Variants in NPHP4 observed in about 807,000 individuals in gnomAD.
The protein encoded by NPHP4 is nephrocystin-4.
Under a neutral mutation model 155.8 loss-of-function variants are expected in NPHP4, and 151 were observed. The observed-to-expected ratio is 0.97, with a 90% CI of 0.85 to 1.11. NPHP4 has a LOEUF of 1.11. Among genes scored for constraint, NPHP4 ranks in the 50% least tolerant of loss-of-function variants. The pLI, the probability that NPHP4 is intolerant of heterozygous loss-of-function variation, is 0.00. For synonymous variants in NPHP4, 845 were observed against 816.8 expected (o/e 1.03, Z -0.59); for missense variants, 1,956 against 1,925.7 (o/e 1.02, Z -0.29).
intron 10 of NPHP4, among the ~76,000 whole-genome samples, chr1:5,931,901 C>T (rs1646296152): frequency 6.6e-6 from 1 of 152,054 alleles, no homozygotes; most frequent in Non-Finnish European, 1.5e-5. Context: ...ACAGCAAGAC[C>T]TCAACTCTAC....
chr1:5,961,295 G>A (rs549464119), intron 6 of NPHP4, among the ~76,000 whole-genome samples: 8 of 152,152 alleles, frequency 5.3e-5, no homozygotes, highest in South Asian at 2.1e-4. Flanking sequence ...AGCTTCAGCC[G>A]GGGAAGAGGA....
At chr1:5,971,538 G>A (rs569917682) in intron 3 of NPHP4, among the ~76,000 whole-genome samples, 1 of 152,308 alleles carries the variant, frequency 6.6e-6, no homozygotes, top group African/African-American at 2.4e-5. Context: ...AGCCTCGAAG[G>A]CTTCATAAAC....
chr1:5,874,966 C>T lies in NPHP4; in HGVS notation c.2952G>A (p.Thr984=), dbSNP rs375493384. 174 of 1,613,156 alleles carry T rather than the reference C, an allele frequency of 1.1e-4. No homozygotes were observed. Among genetic ancestry groups the T allele is most frequent in the Non-Finnish European group, 1.2e-4 (146 of 1,179,900 alleles). ...AITTEHTLHA[T]LGVAEFFEFV... ...ACTCAAAGAACTCGGCGACCCCCAG[C>T]GTGGCGTGGAGCGTGTGCTCCGTGG... The change falls in exon 21 of 30, where the codon ACG becomes ACA. Residue 984 remains threonine (T), a synonymous_variant. Transcript: ENST00000378156.
At position 5,905,477 on chromosome 1, in the gene NPHP4, T is replaced by C. The variant is rs1644869987; in HGVS notation, c.1770A>G (p.Ala590=). The C allele has an allele frequency of 6.2e-7, 1 of 1,602,938 alleles. No homozygotes were observed. The change falls in exon 15 of 30, where the codon GCA becomes GCG. Residue 590 remains alanine (A), a synonymous_variant. Coordinates refer to ENST00000378156, the MANE Select transcript of NPHP4 (RefSeq NM_015102.5). This position sits in a 1 kb window ranked among gnomAD's most constrained non-coding sequence, Gnocchi z 4.0. The stretch of plus-strand genomic sequence containing the variant: ...CCATGGAGGCTCTCGAGGGCTGCCC[T>C]GCAGAGCTGAGACACAGAGACTCCT... ...IVVGTQTRSS[A]GQPSRASMVL...
intron 19 of NPHP4, among the ~76,000 whole-genome samples, chr1:5,878,716 C>T (rs1197587685): frequency 6.6e-6 from 1 of 152,208 alleles, no homozygotes; most frequent in East Asian, 1.9e-4. Flanking sequence ...ATTGTCTCAG[C>T]AAGGCCTTCT....
chr1:5,901,817 C>T (rs902713550), intron 16 of NPHP4, among the ~76,000 whole-genome samples: 1 of 152,162 alleles, frequency 6.6e-6, no homozygotes, highest in Non-Finnish European at 1.5e-5. Context: ...TTAGTCTGAT[C>T]CATTTTACAG....
intron 28 of NPHP4, 43 bp from the exon 29 acceptor site, chr1:5,864,076 GA>G: frequency 6.2e-7 from 1 of 1,600,666 alleles, no homozygotes. Flanking sequence ...CCACTCACGG[GA>G]ACAGCCACTG....
rs1642361340 is a variant in NPHP4, at chr1:5,874,564, G to C, written c.3138C>G (p.Ser1046Arg). 6.2e-7 allele frequency: 1 copy of C among 1,607,196 alleles called. No homozygotes were observed. Among genetic ancestry groups the C allele is most frequent in the African/African-American group, 1.3e-5 (1 of 74,856 alleles). ...VEEDMFHLRG[S>R]LAPQLYLRPH... ...GGCGCAGGTAGAGCTGGGGGGCCAG[G>C]CTGCCACGCAGGTGGAACATGTCCT... The change falls in exon 22 of 30, where the codon AGC becomes AGG. Residue 1046 changes from serine to arginine, a missense_variant. By Grantham distance (110) the Ser-to-Arg change is moderately radical. Transcript: ENST00000378156.
chr1:5,877,965 G>A (rs866439124), intron 19 of NPHP4, among the ~76,000 whole-genome samples: 7 of 152,250 alleles, frequency 4.6e-5, no homozygotes, highest in South Asian at 4.1e-4. Context: ...CCTTCCTTCC[G>A]ACACAGAGCA....
rs548485171 is a variant in NPHP4, at chr1:5,874,287, G to A, written c.3231+184C>T. ...ACCCATCAGGCTGGAAAAGAGAAGG[G>A]GCTGGTTGCCACTTGCAGTGTACAT... On this transcript the variant is annotated intron_variant, in intron 22 of 29. Transcript: ENST00000378156. Among the ~76,000 whole-genome samples the A allele has an allele frequency of 6.1e-5, 8 of 132,180 alleles. No individual in the cohort carries two copies. The South Asian group carries it at 1.8e-3, about 29-fold the overall frequency. 86.7% of individuals were successfully genotyped at this position (132,180 alleles called of 152,430 possible). A position where few individuals can be genotyped will look rare whatever the true frequency, so the allele number is the denominator to read the frequency against.
chr1:5,870,871 C>G (rs1173723676), intron 23 of NPHP4, among the ~76,000 whole-genome samples: 2 of 152,212 alleles, frequency 1.3e-5, no homozygotes, highest in Admixed American at 6.5e-5. Context: ...GCTGCAGCCA[C>G]GCCAGAAGGA....
chr1:5,922,060 A>G (rs1645767509), intron 11 of NPHP4, among the ~76,000 whole-genome samples: 2 of 152,234 alleles, frequency 1.3e-5, no homozygotes, highest in Admixed American at 1.3e-4. Flanking sequence ...ATGTACTCAC[A>G]ATAGTCTTTG....
chr1:5,898,979 A>G (rs1201180127), intron 16 of NPHP4, among the ~76,000 whole-genome samples: 2 of 152,188 alleles, frequency 1.3e-5, no homozygotes, highest in Non-Finnish European at 2.9e-5. Flanking sequence ...TCCAACCACG[A>G]GATGCCTCTA....
chr1:5,885,726 T>G (rs1044742889), intron 18 of NPHP4, among the ~76,000 whole-genome samples: 8 of 152,234 alleles, frequency 5.3e-5, no homozygotes, highest in Non-Finnish European at 1.2e-4. Context: ...GCGGTAACCC[T>G]GCAGGCTTCC....
At chr1:5,895,196 G>C (rs541769566) in intron 16 of NPHP4, among the ~76,000 whole-genome samples, 15 of 152,108 alleles carry the variant, frequency 9.9e-5, no homozygotes, top group South Asian at 6.2e-4. Flanking sequence ...GTGGGGGAAG[G>C]GGGGAGGGAT....
In NPHP4 at chr1:5,864,424, G is replaced by A. The variant is rs1483940500; in HGVS notation, c.3910C>T (p.His1304Tyr). Reference sequence around the variant, plus strand: ...CAATCCACGTCCACCAGGTTGAGATGGACAAAGCGGCTGCCGGCCCTAAGG... The same window carrying A: ...CAATCCACGTCCACCAGGTTGAGATAGACAAAGCGGCTGCCGGCCCTAAGG... ...RPLRAGSRFV[H>Y]LNLVDVDCHQ... The change falls in exon 28 of 30, where the codon CAT becomes TAT. Residue 1304 changes from histidine (H) to tyrosine (Y), a missense_variant. Physicochemically the swap from His to Tyr is moderately conservative, Grantham distance 83. Coordinates refer to ENST00000378156, the MANE Select transcript of NPHP4 (RefSeq NM_015102.5). The A allele has an allele frequency of 1.2e-6, 2 of 1,611,026 alleles. No homozygotes were observed. The highest frequency in any genetic ancestry group is 2.7e-5 in the African/African-American group (2 of 74,874).
chr1:5,863,648 A>T lies in NPHP4; in HGVS notation c.4140+242T>A, dbSNP rs1023900608. The T allele has an allele frequency of 3.7e-5, 23 of 622,710 alleles. No individual in the cohort carries two copies. In the Admixed American group the frequency reaches 5.9e-4, roughly 16 times the overall value. 38.6% of individuals were successfully genotyped at this position (622,710 alleles called of 1,614,324 possible). A position where few individuals can be genotyped will look rare whatever the true frequency, so the allele number is the denominator to read the frequency against. On this transcript the variant is annotated intron_variant, in intron 29 of 29. Transcript: ENST00000378156. Reference sequence around the variant, plus strand: ...CTTATTTCCGAGACTGAGCTGTCTAACATTACCATGAAAAGCCCTGGGCAC... The same window carrying T: ...CTTATTTCCGAGACTGAGCTGTCTATCATTACCATGAAAAGCCCTGGGCAC...
intron 16 of NPHP4, among the ~76,000 whole-genome samples, chr1:5,893,709 T>C (rs1012618854): frequency 6.6e-6 from 1 of 151,868 alleles, no homozygotes. Flanking sequence ...AGGAGCAGAG[T>C]CTTCTCTAAA....
At chr1:5,947,048 C>T in intron 9 of NPHP4, 56 bp downstream of exon 9, 8 of 1,601,948 alleles carry the variant, frequency 5.0e-6, no homozygotes, top group Non-Finnish European at 6.8e-6. Flanking sequence ...CTACATTTAT[C>T]CTCACACACA....
Sources: gnomAD v4.1 joint callset for allele counts (sites outside exome capture counted in the v4.1 genomes callset) on GRCh38, gnomAD v4.1.1 for gene constraint, Gnocchi (gnomAD v3.1) non-coding constraint, MANE v1.5 for transcripts, NCBI Gene and HGNC (gene_info 2026-07-23, HGNC 2026-07-21) for gene names.